Variants in NAA50 observed in about 807,000 individuals in gnomAD.
NAA50 encodes the protein N-alpha-acetyltransferase 50.
A neutral mutation model predicts 20.7 loss-of-function variants in NAA50; 7 were observed. The ratio of observed to expected loss-of-function variants is 0.34; its 90% CI spans 0.19 to 0.63. NAA50 has a LOEUF of 0.63. NAA50 is among the 30% of genes least tolerant of loss of function. The pLI, the probability that NAA50 is intolerant of heterozygous loss-of-function variation, is 0.75. For synonymous variants in NAA50, 54 were observed against 70.6 expected (o/e 0.77, Z 1.18); for missense variants, 111 against 199.1 (o/e 0.56, Z 2.66).
At chr3:113,723,810 G>A (rs1708165958) in intron 2 of NAA50, 149 bp downstream of exon 2, 3 of 931,572 alleles carry the variant, frequency 3.2e-6, no homozygotes, top group Non-Finnish European at 4.5e-6. Context: ...ATTTCTCTGA[G>A]ATTTTTCTCA....
intron 1 of NAA50, chr3:113,739,578 G>A (rs1708385697): frequency 6.6e-6 from 1 of 152,210 alleles, no homozygotes; most frequent in South Asian, 2.1e-4. Context: ...TCTGACAGAG[G>A]CAGAATATAG....
Position 113,721,667 on chromosome 3 carries a change from T to C in NAA50, c.*93A>G. 1 of 1,352,422 alleles carries C rather than the reference T, an allele frequency of 7.4e-7. No homozygotes were observed. The highest frequency in any genetic ancestry group is 1.0e-6 in the Non-Finnish European group (1 of 964,286). 83.8% of individuals were successfully genotyped at this position (1,352,422 alleles called of 1,614,324 possible). A position where few individuals can be genotyped will look rare whatever the true frequency, so the allele number is the denominator to read the frequency against. On this transcript the variant is annotated 3_prime_UTR_variant, in exon 5 of 5. Transcript: ENST00000240922. ...AACAAGAACAAGGAGGGAGAAAAGC[T>C]TTAAAAGAAAAGTGTTGGGGTGGGG...
intron 1 of NAA50, among the ~76,000 whole-genome samples, chr3:113,735,638 T>A (rs894197896): frequency 6.6e-6 from 1 of 152,210 alleles, no homozygotes; most frequent in African/African-American, 2.4e-5. Context: ...ATTGCCAGCC[T>A]AAGAGTTAAA....
chr3:113,742,293 G>A (rs1011027086), intron 1 of NAA50, among the ~76,000 whole-genome samples: 5 of 152,040 alleles, frequency 3.3e-5, no homozygotes, highest in African/African-American at 9.7e-5. Flanking sequence ...ACCAGTTTTC[G>A]CTCTGTTGCC....
At chr3:113,735,844 A>C (rs758201130) in intron 1 of NAA50, among the ~76,000 whole-genome samples, 9 of 152,132 alleles carry the variant, frequency 5.9e-5, no homozygotes, top group Non-Finnish European at 1.0e-4. Flanking sequence ...CACCATGCCC[A>C]GCTAATTTTT....
At chr3:113,738,182 T>C (rs1032356677) in intron 1 of NAA50, among the ~76,000 whole-genome samples, 5 of 152,200 alleles carry the variant, frequency 3.3e-5, no homozygotes, top group African/African-American at 1.2e-4. Context: ...CTCAAGAATA[T>C]AACCTAAAAA....
At chr3:113,741,873 T>C (rs1323606302) in intron 1 of NAA50, among the ~76,000 whole-genome samples, 1 of 152,244 alleles carries the variant, frequency 6.6e-6, no homozygotes, top group East Asian at 1.9e-4. Flanking sequence ...CTTTCTAAAT[T>C]ACACGATGAT....
At chr3:113,741,081 CATTA>C (rs1039144978) in intron 1 of NAA50, 20 of 521,836 alleles carry the variant, frequency 3.8e-5, no homozygotes, top group East Asian at 1.5e-4. Flanking sequence ...CCACATACAG[CATTA>C]ATTGTTTTCA....
intron 1 of NAA50, among the ~76,000 whole-genome samples, chr3:113,726,265 T>C (rs906723268): frequency 2.0e-5 from 3 of 151,982 alleles, no homozygotes; most frequent in Non-Finnish European, 4.4e-5. Context: ...AAAGTAAAAA[T>C]AAAAAAATAG....
Position 113,722,313 on chromosome 3 carries a change from CTTCT to C in NAA50, c.333-380_333-377del, listed in dbSNP as rs561841756. 4.6e-3 allele frequency among the ~76,000 whole-genome samples: 705 copies of C among 152,086 alleles called. 5 individuals carry two copies. The highest frequency in any genetic ancestry group is 0.016 in the African/African-American group (664 of 41,492). ...TCTCAAAGCTTGAAGATATATCTTC[CTTCT>C]GATTGATAAAATACATGGTATGTTT... On this transcript the variant is annotated intron_variant, in intron 4 of 4. Coordinates refer to ENST00000240922, the MANE Select transcript of NAA50 (RefSeq NM_025146.4).
rs142180756 is a variant in NAA50 at position 113,731,111 on chromosome 3, T to A, written c.9-7016A>T. ...AATAAATGAAGTGAGCATCTTTTCA[T>A]GTATTTCTTTGCCATTCATGTTATC... On this transcript the variant is annotated intron_variant, in intron 1 of 4. Coordinates refer to ENST00000240922, the MANE Select transcript of NAA50 (RefSeq NM_025146.4). 4.3e-4 allele frequency among the ~76,000 whole-genome samples: 65 copies of A among 152,372 alleles called. 1 individual carries two copies. The highest frequency in any genetic ancestry group is 1.5e-3 in the African/African-American group (63 of 41,590).
intron 1 of NAA50, among the ~76,000 whole-genome samples, chr3:113,737,670 AG>A (rs1008412819): frequency 2.0e-5 from 3 of 152,330 alleles, no homozygotes; most frequent in Admixed American, 1.3e-4. Flanking sequence ...ATTTTACAGC[AG>A]GGTTTCTCAA....
chr3:113,738,410 A>C (rs920302960), intron 1 of NAA50, among the ~76,000 whole-genome samples: 1 of 152,264 alleles, frequency 6.6e-6, no homozygotes, highest in African/African-American at 2.4e-5. Context: ...ATCACTTTCC[A>C]TAAGAAATTA....
chr3:113,723,650 C>G, intron 2 of NAA50, 109 bp from the exon 3 acceptor site: 1 of 1,249,116 alleles, frequency 8.0e-7, no homozygotes, highest in Non-Finnish European at 1.1e-6. Context: ...ATTTCATCAA[C>G]TATTTCATGA....
chr3:113,734,965 T>G (rs757313750), intron 1 of NAA50, among the ~76,000 whole-genome samples: 4 of 152,220 alleles, frequency 2.6e-5, no homozygotes, highest in Non-Finnish European at 5.9e-5. Context: ...AAATAAAAAC[T>G]AGGTAGTAAA....
intron 2 of NAA50, 31 bp downstream of exon 2, chr3:113,723,928 A>G (rs1708167925): frequency 1.3e-6 from 2 of 1,524,290 alleles, no homozygotes; most frequent in Non-Finnish European, 1.8e-6. Context: ...GAAAGAAAAG[A>G]AGGGAGGACA....
chr3:113,734,563 TA>T, intron 1 of NAA50, among the ~76,000 whole-genome samples: 1 of 152,226 alleles, frequency 6.6e-6, no homozygotes, highest in Non-Finnish European at 1.5e-5. Flanking sequence ...TTTTTGATAC[TA>T]AAACTCAAAG....
chr3:113,721,770 GT>G lies in NAA50; in HGVS notation c.499del (p.Thr167GlnfsTer24). The part of the protein sequence containing the change: ...PSGQNADVQK[T>X]DN Reference sequence around the variant, plus strand: ...TCATTTGTAATTTGTTCAGTTGTCTGTCTTTTGCACATCTGCATTCTGACCA... The same window carrying G: ...TCATTTGTAATTTGTTCAGTTGTCTGCTTTTGCACATCTGCATTCTGACCA... On this transcript the variant is annotated frameshift_variant, in exon 5 of 5. Transcript: ENST00000240922. LOFTEE classifies it high-confidence loss of function. 6.2e-7 allele frequency: 1 copy of G among 1,613,830 alleles called. No homozygotes were observed.
chr3:113,745,789 C>T lies in NAA50; in HGVS notation c.8+153G>A, dbSNP rs1310575238. The T allele has an allele frequency of 2.3e-5, 22 of 938,644 alleles. No homozygotes were observed. The East Asian group carries it at 6.6e-4, about 28-fold the overall frequency. The allele number at this position is 938,644 out of a possible 1,614,324, so 58.1% of individuals were successfully genotyped here. On this transcript the variant is annotated intron_variant, in intron 1 of 4. Transcript: ENST00000240922. ...CAACAGCCCGAGCCTCGCCTCCGCCCCCTCCGGGAGCCGAGGGAACTGAGA... is the reference window on the plus strand; with the variant it reads ...CAACAGCCCGAGCCTCGCCTCCGCCTCCTCCGGGAGCCGAGGGAACTGAGA...
Sources: allele counts gnomAD v4.1 joint callset (sites outside exome capture counted in the v4.1 genomes callset), GRCh38; gene constraint gnomAD v4.1.1; transcripts MANE v1.5; gene names NCBI Gene and HGNC (gene_info 2026-07-23, HGNC 2026-07-21).